The following SFT2D1 variants were observed in gnomAD, a reference collection of about 807,000 sequenced individuals.
The protein encoded by SFT2D1 is SFT2 domain containing 1.
Under a neutral mutation model 28.1 loss-of-function variants are expected in SFT2D1, and 24 were observed. The observed-to-expected ratio is 0.85, with a 90% CI of 0.62 to 1.20. SFT2D1 has a LOEUF of 1.20. SFT2D1 is among the 50% of genes most tolerant of loss of function. The pLI is 0.00. For missense variants in SFT2D1, 181 were observed against 190.9 expected, an observed-to-expected ratio of 0.95 and a Z score of 0.31; for synonymous variants, 82 against 73.7, an observed-to-expected ratio of 1.11 and a Z score of -0.58.
At chr6:166,338,266 C>T (rs1778698520) in intron 1 of SFT2D1, among the ~76,000 whole-genome samples, 1 of 152,186 alleles carries the variant, frequency 6.6e-6, no homozygotes, top group Non-Finnish European at 1.5e-5. Context: ...TATGCCAATG[C>T]CCTCAGCTCT....
chr6:166,321,665 A>G (rs1778361357), intron 7 of SFT2D1, among the ~76,000 whole-genome samples: 1 of 152,230 alleles, frequency 6.6e-6, no homozygotes, highest in Non-Finnish European at 1.5e-5. Flanking sequence ...TAAATATATA[A>G]CATATCTTTG....
At chr6:166,320,337 C>G in intron 7 of SFT2D1, 81 bp from the exon 8 acceptor site, 1 of 1,153,400 alleles carries the variant, frequency 8.7e-7, no homozygotes. Flanking sequence ...GCTAAATCAC[C>G]TTTTTTAACA....
chr6:166,340,404 C>A (rs1291457606), intron 1 of SFT2D1, among the ~76,000 whole-genome samples: 1 of 152,148 alleles, frequency 6.6e-6, no homozygotes, highest in Non-Finnish European at 1.5e-5. Context: ...CTTTCTATGG[C>A]CTATGAGAAC....
chr6:166,341,405 C>CG (rs2114917939), intron 1 of SFT2D1, among the ~76,000 whole-genome samples: 1 of 148,348 alleles, frequency 6.7e-6, no homozygotes, highest in Non-Finnish European at 1.5e-5. Context: ...GTCGAGATCA[C>CG]GCCACTGCAC....
At chr6:166,330,946 C>T (rs1403768404) in intron 1 of SFT2D1, among the ~76,000 whole-genome samples, 2 of 152,230 alleles carry the variant, frequency 1.3e-5, no homozygotes, top group South Asian at 2.1e-4. Context: ...TTCAGTCCAA[C>T]CCATGAAAGT....
chr6:166,341,487 C>T (rs1460439793), intron 1 of SFT2D1, among the ~76,000 whole-genome samples: 4 of 151,486 alleles, frequency 2.6e-5, no homozygotes, highest in African/African-American at 9.7e-5. Flanking sequence ...CCACATGTGG[C>T]TGTGGTAATA....
Position 166,324,564 on chromosome 6 carries a change from C to A in SFT2D1, c.383G>T (p.Cys128Phe). ...WHKKGLAVLF[C>F]ILQFLSMTWY... ...GGTCATTGACAAGAACTGCAATATGCAGAATAACACAGCCAGTCCCTTCTT... is the reference window on the plus strand; with the variant it reads ...GGTCATTGACAAGAACTGCAATATGAAGAATAACACAGCCAGTCCCTTCTT... Residue 128 changes from cysteine (C) to phenylalanine (F), a missense_variant, in exon 6 of 8, where the codon TGC (cysteine) becomes TTC (phenylalanine). Physicochemically the swap from Cys to Phe is radical, Grantham distance 205. Coordinates refer to ENST00000361731, the MANE Select transcript of SFT2D1 (RefSeq NM_145169.3). 1 of 1,612,740 alleles carries A rather than the reference C, an allele frequency of 6.2e-7. No homozygotes were observed.
intron 4 of SFT2D1, among the ~76,000 whole-genome samples, chr6:166,327,358 A>G (rs962080714): frequency 2.6e-5 from 4 of 152,196 alleles, no homozygotes; most frequent in African/African-American, 4.8e-5. Context: ...CCCAGCACGT[A>G]TGAGAATGGA....
intron 1 of SFT2D1, among the ~76,000 whole-genome samples, chr6:166,339,554 T>C (rs958326065): frequency 1.3e-5 from 2 of 152,078 alleles, no homozygotes; most frequent in South Asian, 2.1e-4. Flanking sequence ...CTTCTTTCTA[T>C]TCTCCCCTGA....
intron 3 of SFT2D1, 28 bp from the exon 4 acceptor site, chr6:166,328,385 G>T: frequency 2.3e-6 from 3 of 1,315,026 alleles, no homozygotes; most frequent in Non-Finnish European, 3.1e-6. Flanking sequence ...AGTGACTGAG[G>T]TACAGGTCTA....
intron 1 of SFT2D1, among the ~76,000 whole-genome samples, chr6:166,336,389 G>C (rs990537753): frequency 6.6e-5 from 10 of 152,108 alleles, no homozygotes; most frequent in Admixed American, 3.3e-4. Flanking sequence ...ACTGAATAAT[G>C]GTACCAGATA....
At chr6:166,328,643 T>A (rs1269587652) in intron 3 of SFT2D1, among the ~76,000 whole-genome samples, 2 of 152,214 alleles carry the variant, frequency 1.3e-5, no homozygotes, top group Non-Finnish European at 2.9e-5. Context: ...CAAAGGCCCT[T>A]GGAGGAGAGG....
chr6:166,325,229 G>A (rs768652909), intron 5 of SFT2D1, among the ~76,000 whole-genome samples: 22 of 151,880 alleles, frequency 1.4e-4, no homozygotes, highest in African/African-American at 1.2e-4. Context: ...GAAATGACAC[G>A]TAAATCAATC....
chr6:166,323,771 G>A (rs371945110), intron 6 of SFT2D1: 6 of 152,162 alleles, frequency 3.9e-5, no homozygotes, highest in African/African-American at 1.4e-4. Flanking sequence ...GATTTTTCTG[G>A]ATTTTTGGAA....
At chr6:166,340,617 A>G (rs1165735153) in intron 1 of SFT2D1, among the ~76,000 whole-genome samples, 2 of 152,198 alleles carry the variant, frequency 1.3e-5, no homozygotes, top group African/African-American at 4.8e-5. Context: ...AGCTGTGCTC[A>G]CATGACTCCC....
At chr6:166,339,508 C>T (rs969410728) in intron 1 of SFT2D1, among the ~76,000 whole-genome samples, 2 of 152,176 alleles carry the variant, frequency 1.3e-5, no homozygotes, top group African/African-American at 4.8e-5. Context: ...CTTTGCTCCA[C>T]AGGAAAAATC....
intron 2 of SFT2D1, 82 bp downstream of exon 2, chr6:166,330,079 G>T: frequency 9.4e-7 from 1 of 1,068,414 alleles, no homozygotes; most frequent in South Asian, 1.9e-5. Context: ...ATTTAGTAAA[G>T]GACATTAGTT....
chr6:166,338,430 T>C (rs1356200082), intron 1 of SFT2D1, among the ~76,000 whole-genome samples: 3 of 151,822 alleles, frequency 2.0e-5, no homozygotes, highest in Admixed American at 6.6e-5. Flanking sequence ...TGGGGGAAAA[T>C]GGGCAATAAA....
At chr6:166,322,710 AAG>A in intron 7 of SFT2D1, 145 bp downstream of exon 7, 12 of 675,068 alleles carry the variant, frequency 1.8e-5, no homozygotes, top group Admixed American at 6.1e-5. Context: ...AAAAAAAAAA[AAG>A]TATGTTTATT....
Sources: allele counts gnomAD v4.1 joint callset (sites outside exome capture counted in the v4.1 genomes callset), GRCh38; gene constraint gnomAD v4.1.1; transcripts MANE v1.5; gene names NCBI Gene and HGNC (gene_info 2026-07-23, HGNC 2026-07-21).